The following SRRM3 variants were observed in gnomAD, a reference collection of about 807,000 sequenced individuals.
The protein encoded by SRRM3 is serine/arginine repetitive matrix protein 3.
SRRM3 carries 27 observed loss-of-function variants against 66.2 expected under a neutral mutation model. That is an observed-to-expected ratio of 0.41 (90% CI 0.30 to 0.56). The LOEUF is 0.56. Among genes scored for constraint, SRRM3 ranks in the 20% least tolerant of loss-of-function variants. SRRM3 has a pLI of 0.32. For synonymous variants in SRRM3, 391 were observed against 414.9 expected (o/e 0.94, Z 0.70); for missense variants, 918 against 991.9 (o/e 0.93, Z 1.00).
At chr7:76,233,756 G>A (rs1305232906) in intron 1 of SRRM3, among the ~76,000 whole-genome samples, 1 of 152,176 alleles carries the variant, frequency 6.6e-6, no homozygotes, top group African/African-American at 2.4e-5. Flanking sequence ...ACACAGCAAG[G>A]AGTGGAGAAG....
In SRRM3 at chr7:76,237,400, C is replaced by T. The variant is rs544732152; in HGVS notation, c.233+2101C>T. Among the ~76,000 whole-genome samples, 4 of 151,968 alleles carry T rather than the reference C, an allele frequency of 2.6e-5. No individual in the cohort carries two copies. The East Asian group carries it at 7.8e-4, about 29-fold the overall frequency. On this transcript the variant is annotated intron_variant, in intron 2 of 14. Coordinates refer to ENST00000611745, the MANE Select transcript of SRRM3 (RefSeq NM_001110199.3). ...CAGCCTGGGTGACAGAGCAAGACTC[C>T]GTCTCAAAATAAAAATAAAAATAAA...
chr7:76,205,683 G>A (rs1800284579), intron 1 of SRRM3, among the ~76,000 whole-genome samples: 1 of 152,240 alleles, frequency 6.6e-6, no homozygotes, highest in African/African-American at 2.4e-5. Flanking sequence ...CATCTTCAGT[G>A]TCCCTGCAGC....
At chr7:76,271,387 G>A (rs1802210498) in intron 11 of SRRM3, among the ~76,000 whole-genome samples, 1 of 152,114 alleles carries the variant, frequency 6.6e-6, no homozygotes, top group Non-Finnish European at 1.5e-5. Context: ...TGAGGGAGGA[G>A]AATCACTTGA....
intron 11 of SRRM3, among the ~76,000 whole-genome samples, chr7:76,272,606 C>T (rs1259000278): frequency 4.0e-5 from 6 of 151,808 alleles, no homozygotes; most frequent in Non-Finnish European, 8.8e-5. Context: ...AAGTTGAGAT[C>T]GCACCACTGC....
At chr7:76,260,730 G>T in intron 5 of SRRM3, 144 bp from the exon 6 acceptor site, 1 of 754,568 alleles carries the variant, frequency 1.3e-6, no homozygotes, top group South Asian at 1.8e-5. Context: ...AGTGCGAGTG[G>T]CCCTGGGGAG....
intron 11 of SRRM3, among the ~76,000 whole-genome samples, 185 bp from the exon 12 acceptor site, chr7:76,281,230 TTCTCTGTCTCTCGCTCTTTTTCTGTC>T (rs1460891821): frequency 3.3e-5 from 5 of 150,946 alleles, no homozygotes; most frequent in East Asian, 2.0e-4. Context: ...CCGTCTCTTT[TTCTCTGTCTCTCGCTCTTTTTCTGTC>T]TCTCTGTCTC....
chr7:76,215,978 T>A (rs2116950023), intron 1 of SRRM3, among the ~76,000 whole-genome samples: 1 of 151,136 alleles, frequency 6.6e-6, no homozygotes, highest in South Asian at 2.1e-4. Flanking sequence ...TTTTTTTTTT[T>A]TTGTATTTTT....
At chr7:76,273,308 G>C (rs146088510) in intron 11 of SRRM3, 6 of 152,080 alleles carry the variant, frequency 3.9e-5, no homozygotes, top group Non-Finnish European at 8.8e-5. Flanking sequence ...TCCATCAGCT[G>C]CTTCCTGCAT....
At chr7:76,261,044 T>G in intron 6 of SRRM3, 141 bp downstream of exon 6, 4 of 884,308 alleles carry the variant, frequency 4.5e-6, no homozygotes, top group Non-Finnish European at 5.1e-6. Flanking sequence ...GTTTTGCCCC[T>G]ACAGAGGCCG....
intron 3 of SRRM3, among the ~76,000 whole-genome samples, chr7:76,252,036 A>G (rs1554606958): frequency 1.3e-5 from 2 of 152,224 alleles, no homozygotes; most frequent in African/African-American, 4.8e-5. Flanking sequence ...ACGCAACCAC[A>G]CTACAGCCTT....
intron 3 of SRRM3, 99 bp from the exon 4 acceptor site, chr7:76,259,807 C>A: frequency 1.9e-6 from 3 of 1,567,788 alleles, no homozygotes; most frequent in Non-Finnish European, 2.6e-6. Flanking sequence ...CGGGTAGCAG[C>A]CCGCAGACTT....
intron 14 of SRRM3, 29 bp downstream of exon 14, chr7:76,283,130 C>T (rs1295876028): frequency 7.2e-7 from 1 of 1,387,408 alleles, no homozygotes; most frequent in South Asian, 1.8e-5. Flanking sequence ...GGGCCGGTGG[C>T]GCAGGGCTGG....
chr7:76,256,394 C>G (rs1290903561), intron 3 of SRRM3, among the ~76,000 whole-genome samples: 3 of 151,878 alleles, frequency 2.0e-5, no homozygotes, highest in Non-Finnish European at 4.4e-5. Flanking sequence ...ATAATCCCAG[C>G]TACTTGGGAG....
chr7:76,233,642 C>T (rs1295605512), intron 1 of SRRM3, among the ~76,000 whole-genome samples: 1 of 152,090 alleles, frequency 6.6e-6, no homozygotes, highest in East Asian at 1.9e-4. Flanking sequence ...CAGCTTTGGT[C>T]TCTGAGTCCC....
chr7:76,210,583 G>C (rs1800408012), intron 1 of SRRM3, among the ~76,000 whole-genome samples: 1 of 152,166 alleles, frequency 6.6e-6, no homozygotes, highest in African/African-American at 2.4e-5. Context: ...GGTAAAGAGA[G>C]GAGAAGCAGG....
intron 2 of SRRM3, among the ~76,000 whole-genome samples, chr7:76,236,963 G>A (rs1801168205): frequency 6.6e-6 from 1 of 152,146 alleles, no homozygotes; most frequent in African/African-American, 2.4e-5. Flanking sequence ...AATTAAACCG[G>A]CAAATCCAGC....
At chr7:76,239,838 T>C (rs2117008480) in intron 2 of SRRM3, among the ~76,000 whole-genome samples, 1 of 152,252 alleles carries the variant, frequency 6.6e-6, no homozygotes, top group African/African-American at 2.4e-5. Context: ...CCAGGAGGCC[T>C]GGGCAACATA....
intron 1 of SRRM3, among the ~76,000 whole-genome samples, chr7:76,202,296 A>G (rs1800166667): frequency 6.6e-6 from 1 of 152,122 alleles, no homozygotes; most frequent in Non-Finnish European, 1.5e-5. Context: ...GGTCATGGGC[A>G]GGACTCCCCT....
At chr7:76,255,590 C>T (rs1801694640) in intron 3 of SRRM3, among the ~76,000 whole-genome samples, 1 of 152,174 alleles carries the variant, frequency 6.6e-6, no homozygotes, top group African/African-American at 2.4e-5. Flanking sequence ...TCCACAGGTG[C>T]ATGCCACTGT....
Sources: gnomAD v4.1 joint callset for allele counts (sites outside exome capture counted in the v4.1 genomes callset) on GRCh38, gnomAD v4.1.1 for gene constraint, MANE v1.5 for transcripts, NCBI Gene and HGNC (gene_info 2026-07-23, HGNC 2026-07-21) for gene names.